SLC45A3: variants seen among roughly 807,000 people sequenced by gnomAD.
SLC45A3 encodes solute carrier family 45 member 3, also known as prostate cancer associated protein 2.
A neutral mutation model predicts 35.3 loss-of-function variants in SLC45A3; 17 were observed. That is an observed-to-expected ratio of 0.48 (90% CI 0.33 to 0.72). SLC45A3 has a LOEUF of 0.72. Among genes scored for constraint, SLC45A3 ranks in the 30% least tolerant of loss-of-function variants. The pLI is 0.02. For missense variants in SLC45A3, 597 were observed against 731.7 expected (o/e 0.82, Z 2.12); for synonymous variants, 288 against 334.3 (o/e 0.86, Z 1.51).
chr1:205,659,733 C>A lies in SLC45A3; in HGVS notation c.1225-62G>T, dbSNP rs1385967346. Reference sequence around the variant, plus strand: ...GGTGTGTACCCAGCACTGGCACCACCCCAGCTGTGAGAACAGACCCTTGCC... The same window carrying A: ...GGTGTGTACCCAGCACTGGCACCACACCAGCTGTGAGAACAGACCCTTGCC... On this transcript the variant is annotated intron_variant, in intron 4 of 4. Transcript: ENST00000367145. This position sits in a 1 kb window ranked among gnomAD's most constrained non-coding sequence, Gnocchi z 5.8. The A allele has an allele frequency of 6.9e-7, 1 of 1,454,620 alleles. No homozygotes were observed. Among genetic ancestry groups the A allele is most frequent in the Non-Finnish European group, 9.2e-7 (1 of 1,090,446 alleles). The allele number at this position is 1,454,620 out of a possible 1,614,324, so 90.1% of individuals were successfully genotyped here. A position where few individuals can be genotyped will look rare whatever the true frequency, so the allele number is the denominator to read the frequency against.
chr1:205,670,660 G>A (rs1671196281), intron 1 of SLC45A3, among the ~76,000 whole-genome samples: 1 of 152,238 alleles, frequency 6.6e-6, no homozygotes, highest in Non-Finnish European at 1.5e-5. Flanking sequence ...CTTCTGCTTA[G>A]CAGCTTGTCA....
chr1:205,662,625 CT>C lies in SLC45A3; in HGVS notation c.958+207del, dbSNP rs774311149. The C allele has an allele frequency of 7.3e-7, 1 of 1,379,178 alleles. No individual in the cohort carries two copies. The highest frequency in any genetic ancestry group is 9.3e-7 in the Non-Finnish European group (1 of 1,071,700). 85.4% of individuals were successfully genotyped at this position (1,379,178 alleles called of 1,614,324 possible). On this transcript the variant is annotated intron_variant, in intron 3 of 4. Coordinates refer to ENST00000367145, the MANE Select transcript of SLC45A3 (RefSeq NM_033102.3). This position sits in a 1 kb window ranked among gnomAD's most constrained non-coding sequence, Gnocchi z 6.2. ...AACTGGGGCAACGACTCTGATCAGA[CT>C]CCTAGAGCAGCCAGAGGCCTTCCTG...
At chr1:205,672,216 C>G (rs58323676) in intron 1 of SLC45A3, among the ~76,000 whole-genome samples, 5 of 152,106 alleles carry the variant, frequency 3.3e-5, no homozygotes, top group East Asian at 1.9e-4. Flanking sequence ...ATTCCCCCCC[C>G]TCACCCACGT....
chr1:205,662,491 T>C lies in SLC45A3; in HGVS notation c.958+342A>G, dbSNP rs926232368. On this transcript the variant is annotated intron_variant, in intron 3 of 4. Coordinates refer to ENST00000367145, the MANE Select transcript of SLC45A3 (RefSeq NM_033102.3). This position sits in a 1 kb window ranked among gnomAD's most constrained non-coding sequence, Gnocchi z 6.2. Reference sequence around the variant, plus strand: ...GCTGGTGAGATTATTTGGAAAGTCGTTGGGGGAGCAGAGGGCACACTGCGG... The same window carrying C: ...GCTGGTGAGATTATTTGGAAAGTCGCTGGGGGAGCAGAGGGCACACTGCGG... 8 of 1,285,866 alleles carry C rather than the reference T, an allele frequency of 6.2e-6. No homozygotes were observed. Among genetic ancestry groups the C allele is most frequent in the Non-Finnish European group, 7.9e-6 (8 of 1,017,134 alleles). 79.7% of individuals were successfully genotyped at this position (1,285,866 alleles called of 1,614,324 possible). A position where few individuals can be genotyped will look rare whatever the true frequency, so the allele number is the denominator to read the frequency against.
Position 205,664,892 on chromosome 1 carries a change from AGGGCG to A in SLC45A3, c.-230-11_-230-7del. On this transcript the variant is annotated splice_polypyrimidine_tract_variant and splice_region_variant and intron_variant, in intron 1 of 4. Coordinates refer to ENST00000367145, the MANE Select transcript of SLC45A3 (RefSeq NM_033102.3). This position sits in a 1 kb window ranked among gnomAD's most constrained non-coding sequence, Gnocchi z 5.3. ...CACGTCTCATCACTCAGATCCTAGA[AGGGCG>A]GGGCAATCACAAGCACACGGGGTGT... is the stretch of plus-strand genomic sequence containing the variant. 3 of 1,362,096 alleles carry A rather than the reference AGGGCG, an allele frequency of 2.2e-6. No homozygotes were observed. The highest frequency in any genetic ancestry group is 2.8e-6 in the Non-Finnish European group (3 of 1,059,970). The allele number at this position is 1,362,096 out of a possible 1,614,324, so 84.4% of individuals were successfully genotyped here.
chr1:205,665,810 TC>T (rs1356279265), intron 1 of SLC45A3, among the ~76,000 whole-genome samples: 2 of 151,942 alleles, frequency 1.3e-5, no homozygotes, highest in Non-Finnish European at 2.9e-5. Flanking sequence ...ATCCTGTACC[TC>T]CCCCGCCAAG....
chr1:205,676,376 C>T (rs372558041), intron 1 of SLC45A3, among the ~76,000 whole-genome samples: 108 of 152,226 alleles, frequency 7.1e-4, no homozygotes, highest in Middle Eastern at 3.4e-3. Context: ...TGGACTACAG[C>T]GCCAGGAAGT....
chr1:205,659,410 C>A lies in SLC45A3; in HGVS notation c.1486G>T (p.Asp496Tyr), dbSNP rs1359677061. The A allele has an allele frequency of 6.2e-7, 1 of 1,614,190 alleles. No individual in the cohort carries two copies. Among genetic ancestry groups the A allele is most frequent in the Admixed American group, 1.7e-5 (1 of 60,016 alleles). Residue 496 changes from aspartate (D) to tyrosine (Y), a missense_variant, in exon 5 of 5, where the codon GAT (aspartate) becomes TAT (tyrosine). Physicochemically the swap from Asp to Tyr is radical, Grantham distance 160. Coordinates refer to ENST00000367145, the MANE Select transcript of SLC45A3 (RefSeq NM_033102.3). The surrounding 1 kb of genome is among the most constrained non-coding windows in gnomAD (Gnocchi z 5.8). ...ACCTGGGACAGCAGGAAGGCACTAT[C>A]CAGGATGGCGAGGTCCAGGCAGATG... ...RGICLDLAIL[D>Y]SAFLLSQVAP... is the part of the protein sequence containing the mutation.
Position 205,658,963 on chromosome 1 carries a change from C to T in SLC45A3, c.*271G>A. The T allele has an allele frequency of 2.2e-6, 1 of 447,944 alleles. No individual in the cohort carries two copies. 27.7% of individuals were successfully genotyped at this position (447,944 alleles called of 1,614,324 possible). On this transcript the variant is annotated 3_prime_UTR_variant, in exon 5 of 5. Coordinates refer to ENST00000367145, the MANE Select transcript of SLC45A3 (RefSeq NM_033102.3). ...AGTCCCCGCATTCCAGTGCATGGAG[C>T]CCTTCTGGCCTCCCTGTATAAGTCC...
At position 205,662,837 on chromosome 1, in the gene SLC45A3, A is replaced by T. The variant is rs200416305; in HGVS notation, c.954T>A (p.Asp318Glu). 130 of 1,588,108 alleles carry T rather than the reference A, an allele frequency of 8.2e-5. No individual in the cohort carries two copies. The highest frequency in any genetic ancestry group is 7.1e-5 in the Non-Finnish European group (83 of 1,164,382). The change falls in exon 3 of 5, where the codon GAT becomes GAA. Residue 318 changes from aspartate (D) to glutamate (E), a missense_variant. Transcript: ENST00000367145. The surrounding 1 kb of genome is among the most constrained non-coding windows in gnomAD (Gnocchi z 6.2). ...EPGTEARRHYDEGVRMGSLGL... is the reference protein window; with the variant it reads ...EPGTEARRHYEEGVRMGSLGL... ...TGCTGGCTGCCAAGGCCTTACCTTC[A>T]TCATAGTGTCTCCGGGCCTCGGTGC...
chr1:205,668,086 C>A (rs575362784), intron 1 of SLC45A3, among the ~76,000 whole-genome samples: 11 of 152,248 alleles, frequency 7.2e-5, no homozygotes, highest in African/African-American at 2.4e-4. Flanking sequence ...TTCTACTCTG[C>A]CCAGCGGGTC....
chr1:205,672,684 TG>T (rs1671237112), intron 1 of SLC45A3, among the ~76,000 whole-genome samples: 1 of 152,180 alleles, frequency 6.6e-6, no homozygotes, highest in Non-Finnish European at 1.5e-5. Context: ...TGCTCTGAAC[TG>T]GGAGCCAGGA....
chr1:205,665,068 ATAAT>A lies in SLC45A3; in HGVS notation c.-230-186_-230-183del, dbSNP rs1671097569. 2.0e-5 allele frequency among the ~76,000 whole-genome samples: 3 copies of A among 152,244 alleles called. No homozygotes were observed. In the South Asian group the frequency reaches 6.2e-4, roughly 31 times the overall value. ...ATGTTAATATTAGCCTACGGCTGAC[ATAAT>A]TAATAAGGTAAATATGATTTTTTAA... On this transcript the variant is annotated intron_variant, in intron 1 of 4. Transcript: ENST00000367145.
chr1:205,668,263 G>A (rs1406001476), intron 1 of SLC45A3, among the ~76,000 whole-genome samples: 3 of 152,000 alleles, frequency 2.0e-5, no homozygotes, highest in Non-Finnish European at 4.4e-5. Context: ...GGGTCCTCGG[G>A]CTAAGGAGAC....
In SLC45A3 at chr1:205,664,486, C is replaced by G. The variant is rs1671085792; in HGVS notation, c.171G>C (p.Leu57=). 6.2e-7 allele frequency: 1 copy of G among 1,614,100 alleles called. No individual in the cohort carries two copies. ...GVEEKFMTMV[L]GIGPVLGLVC... ...AGGAAGGAGGATGTAGTGACTCACC[C>G]AGCACCATGGTCATGAACTTCTCCT... Residue 57 remains leucine (L), a splice_region_variant and synonymous_variant, in exon 2 of 5, where the codon CTG becomes CTC. Coordinates refer to ENST00000367145, the MANE Select transcript of SLC45A3 (RefSeq NM_033102.3). This position sits in a 1 kb window ranked among gnomAD's most constrained non-coding sequence, Gnocchi z 5.3.
chr1:205,674,717 CTTTTCTT>C (rs1333507016), intron 1 of SLC45A3, among the ~76,000 whole-genome samples: 2 of 147,938 alleles, frequency 1.4e-5, no homozygotes, highest in East Asian at 2.2e-4. Context: ...GGTGAAGTAT[CTTTTCTT>C]TTTTCTTTTT....
Position 205,669,006 on chromosome 1 carries a change from G to GT in SLC45A3, c.-230-4121dup, listed in dbSNP as rs1475769533. ...TACATGCCCCTATGCATCCCAATAT[G>GT]TGACACCCCCAGGGCTGGCTCCCAC... On this transcript the variant is annotated intron_variant, in intron 1 of 4. Coordinates refer to ENST00000367145, the MANE Select transcript of SLC45A3 (RefSeq NM_033102.3). The surrounding 1 kb of genome is among the most constrained non-coding windows in gnomAD (Gnocchi z 4.1). 6.6e-6 allele frequency among the ~76,000 whole-genome samples: 1 copy of GT among 152,172 alleles called. No individual in the cohort carries two copies. The highest frequency in any genetic ancestry group is 1.5e-5 in the Non-Finnish European group (1 of 68,028).
chr1:205,665,014 C>T (rs757455903), intron 1 of SLC45A3, 128 bp from the exon 2 acceptor site: 18 of 831,896 alleles, frequency 2.2e-5, no homozygotes, highest in Non-Finnish European at 2.8e-5. Flanking sequence ...CACCGAGGTG[C>T]CACCCCCTTC....
Position 205,658,012 on chromosome 1 carries a change from G to C in SLC45A3, c.*1222C>G, listed in dbSNP as rs906971712. The C allele has an allele frequency of 1.3e-5, 3 of 227,270 alleles. No individual in the cohort carries two copies. Among genetic ancestry groups the C allele is most frequent in the African/African-American group, 2.2e-5 (1 of 44,960 alleles). The allele number at this position is 227,270 out of a possible 1,614,324, so 14.1% of individuals were successfully genotyped here. On this transcript the variant is annotated 3_prime_UTR_variant, in exon 5 of 5. Coordinates refer to ENST00000367145, the MANE Select transcript of SLC45A3 (RefSeq NM_033102.3). Reference sequence around the variant, plus strand: ...ATAAGACCTCCCTTAGCTCAGGCAGGGGGTGCTCCTGAGTTTCTGTGTGAG... The same window carrying C: ...ATAAGACCTCCCTTAGCTCAGGCAGCGGGTGCTCCTGAGTTTCTGTGTGAG...
Sources: allele counts gnomAD v4.1 joint callset (sites outside exome capture counted in the v4.1 genomes callset), GRCh38; gene constraint gnomAD v4.1.1; non-coding constraint Gnocchi (gnomAD v3.1); transcripts MANE v1.5; gene names NCBI Gene and HGNC (gene_info 2026-07-23, HGNC 2026-07-21).